PPP1R16B: variants seen among roughly 807,000 people sequenced by gnomAD.
PPP1R16B encodes protein phosphatase 1 regulatory inhibitor subunit 16B.
PPP1R16B carries 14 observed loss-of-function variants against 61.7 expected under a neutral mutation model. The ratio of observed to expected loss-of-function variants is 0.23; its 90% CI spans 0.15 to 0.35. The LOEUF is 0.35. PPP1R16B is among the 10% of genes least tolerant of loss of function. PPP1R16B has a pLI of 1.00. For missense variants in PPP1R16B, 547 were observed against 752.5 expected, an observed-to-expected ratio of 0.73 and a Z score of 3.19; for synonymous variants, 266 against 305.3, an observed-to-expected ratio of 0.87 and a Z score of 1.34.
At chr20:38,814,436 T>C (rs1331373901) in intron 1 of PPP1R16B, among the ~76,000 whole-genome samples, 1 of 152,144 alleles carries the variant, frequency 6.6e-6, no homozygotes, top group East Asian at 1.9e-4. Flanking sequence ...CTTGAGTAAG[T>C]TACATGTGTG....
intron 2 of PPP1R16B, among the ~76,000 whole-genome samples, chr20:38,846,312 C>T (rs1206708387): frequency 6.6e-6 from 1 of 152,068 alleles, no homozygotes; most frequent in Non-Finnish European, 1.5e-5. Flanking sequence ...AGGAGGTCAT[C>T]TAGGAAGCAA....
chr20:38,865,571 G>A lies in PPP1R16B; in HGVS notation c.251-24024G>A, dbSNP rs1258407096. The stretch of plus-strand genomic sequence containing the variant: ...CTCCTAAAGCACTGGGATTACAGGC[G>A]TGAGCCGCCGCGCCCGGCCTGCTGC... On this transcript the variant is annotated intron_variant, in intron 2 of 10. Transcript: ENST00000299824. Among the ~76,000 whole-genome samples the A allele has an allele frequency of 2.0e-5, 3 of 152,142 alleles. No homozygotes were observed. The East Asian group carries it at 5.8e-4, about 29-fold the overall frequency.
At chr20:38,903,313 C>G (rs1319575045) in intron 6 of PPP1R16B, among the ~76,000 whole-genome samples, 1 of 152,052 alleles carries the variant, frequency 6.6e-6, no homozygotes, top group East Asian at 1.9e-4. Context: ...TAATGATGTC[C>G]TCCATTAAGG....
At chr20:38,842,498 A>G (rs575202209) in intron 2 of PPP1R16B, among the ~76,000 whole-genome samples, 1 of 152,270 alleles carries the variant, frequency 6.6e-6, no homozygotes, top group Non-Finnish European at 1.5e-5. Flanking sequence ...ATTCTTCTGT[A>G]CTCTAAATTT....
chr20:38,809,602 T>C (rs1308629510), intron 1 of PPP1R16B, among the ~76,000 whole-genome samples: 2 of 152,062 alleles, frequency 1.3e-5, no homozygotes, highest in Non-Finnish European at 2.9e-5. Flanking sequence ...TGGGTGAGGA[T>C]GGACAGAGGC....
At chr20:38,913,324 T>C (rs1196718159) in intron 10 of PPP1R16B, among the ~76,000 whole-genome samples, 1 of 151,792 alleles carries the variant, frequency 6.6e-6, no homozygotes, top group Admixed American at 6.6e-5. Context: ...GTGCAGTGGC[T>C]CAATCTTGGC....
In PPP1R16B at chr20:38,889,578, G is replaced by A; in HGVS notation, c.251-17G>A. 6.4e-7 allele frequency: 1 copy of A among 1,558,128 alleles called. No individual in the cohort carries two copies. On this transcript the variant is annotated splice_polypyrimidine_tract_variant and intron_variant, in intron 2 of 10. Transcript: ENST00000299824. ...AGTGTGCAACGGGAAGCTCACTCCT[G>A]TACCCTCCTATTGCAGTACGCTACT...
Position 38,836,133 on chromosome 20 carries a change from G to A in PPP1R16B, c.208G>A (p.Val70Met). 16 of 1,612,212 alleles carry A rather than the reference G, an allele frequency of 9.9e-6. No individual in the cohort carries two copies. The highest frequency in any genetic ancestry group is 1.7e-5 in the Admixed American group (1 of 60,018). Residue 70 changes from valine to methionine, a missense_variant, in exon 2 of 11, where the codon GTG becomes ATG. Physicochemically the swap from Val to Met is conservative, Grantham distance 21. Transcript: ENST00000299824. ...RRKKVSFEASVALLEASLRND... is the reference protein window; with the variant it reads ...RRKKVSFEASMALLEASLRND... ...CAAGAAAGTGTCCTTCGAGGCCAGC[G>A]TGGCCCTGCTGGAGGCCTCGCTGAG...
intron 2 of PPP1R16B, among the ~76,000 whole-genome samples, chr20:38,865,570 C>A (rs978482524): frequency 6.6e-6 from 1 of 152,150 alleles, no homozygotes; most frequent in African/African-American, 2.4e-5. Flanking sequence ...GGATTACAGG[C>A]GTGAGCCGCC....
At chr20:38,835,763 G>A in intron 1 of PPP1R16B, 62 bp from the exon 2 acceptor site, 1 of 853,798 alleles carries the variant, frequency 1.2e-6, no homozygotes, top group East Asian at 2.7e-5. Context: ...GTTGGGGGAC[G>A]ATCAGATCTG....
At chr20:38,851,340 C>T (rs1363916397) in intron 2 of PPP1R16B, among the ~76,000 whole-genome samples, 1 of 151,904 alleles carries the variant, frequency 6.6e-6, no homozygotes, top group East Asian at 1.9e-4. Flanking sequence ...TGGTGCATGC[C>T]TGTAATCCCA....
chr20:38,818,767 T>C (rs1181416340), intron 1 of PPP1R16B, among the ~76,000 whole-genome samples: 2 of 151,648 alleles, frequency 1.3e-5, no homozygotes, highest in African/African-American at 4.9e-5. Context: ...TTTTTTTTTT[T>C]TTTTTCCCCT....
rs2085586808 is a variant in PPP1R16B at position 38,920,489 on chromosome 20, A to T, written c.*1823A>T. The stretch of plus-strand genomic sequence containing the variant: ...CCCGCCTTGTGCCACAACTTTGGTC[A>T]TGGGATCTGCTCTTTGTCATTCTTA... On this transcript the variant is annotated 3_prime_UTR_variant, in exon 11 of 11. Coordinates refer to ENST00000299824, the MANE Select transcript of PPP1R16B (RefSeq NM_015568.4). 1 of 152,640 alleles carries T rather than the reference A, an allele frequency of 6.6e-6. No homozygotes were observed. The highest frequency in any genetic ancestry group is 1.5e-5 in the Non-Finnish European group (1 of 68,220). The allele number at this position is 152,640 out of a possible 1,614,324, so 9.5% of individuals were successfully genotyped here.
chr20:38,809,123 C>T (rs907417275), intron 1 of PPP1R16B, among the ~76,000 whole-genome samples: 1 of 152,106 alleles, frequency 6.6e-6, no homozygotes, highest in African/African-American at 2.4e-5. Flanking sequence ...ACTACTATTT[C>T]CTCCTTTGTG....
intron 2 of PPP1R16B, among the ~76,000 whole-genome samples, chr20:38,839,089 A>G (rs572496422): frequency 2.0e-5 from 3 of 152,268 alleles, no homozygotes; most frequent in African/African-American, 7.2e-5. Context: ...CACCATACCC[A>G]GCTAATTTTT....
chr20:38,856,535 C>G (rs2145733681), intron 2 of PPP1R16B, among the ~76,000 whole-genome samples: 1 of 152,274 alleles, frequency 6.6e-6, no homozygotes, highest in Non-Finnish European at 1.5e-5. Flanking sequence ...TCTCTTCTCT[C>G]AGCCCCTCAA....
intron 2 of PPP1R16B, among the ~76,000 whole-genome samples, chr20:38,875,848 C>G (rs2085161847): frequency 6.6e-6 from 1 of 151,962 alleles, no homozygotes; most frequent in Admixed American, 6.6e-5. Context: ...TGGGCCCGAT[C>G]TGTCTGTTCC....
rs756077958 is a variant in PPP1R16B, at chr20:38,836,101, G to A, written c.176G>A (p.Gly59Asp). The change falls in exon 2 of 11, where the codon GGC (glycine) becomes GAC (aspartate). Residue 59 changes from glycine (G) to aspartate (D), a missense_variant. Coordinates refer to ENST00000299824, the MANE Select transcript of PPP1R16B (RefSeq NM_015568.4). ...CATGAGCGGAAGCGCAGCACGGGCG[G>A]CCGCCGCAAGAAAGTGTCCTTCGAG... is the stretch of plus-strand genomic sequence containing the variant. ...RKHERKRSTG[G>D]RRKKVSFEAS... 8.1e-6 allele frequency: 13 copies of A among 1,612,052 alleles called. No individual in the cohort carries two copies. Among genetic ancestry groups the A allele is most frequent in the Middle Eastern group, 1.7e-4 (1 of 6,054 alleles).
At chr20:38,898,635 C>A (rs1273501203) in intron 4 of PPP1R16B, among the ~76,000 whole-genome samples, 1 of 152,080 alleles carries the variant, frequency 6.6e-6, no homozygotes, top group African/African-American at 2.4e-5. Flanking sequence ...CATAGTGAGA[C>A]CCTGTCTCTA....
Sources: gnomAD v4.1 joint callset for allele counts (sites outside exome capture counted in the v4.1 genomes callset) on GRCh38, gnomAD v4.1.1 for gene constraint, MANE v1.5 for transcripts, NCBI Gene and HGNC (gene_info 2026-07-23, HGNC 2026-07-21) for gene names.